Variants in CDYL2 observed in about 807,000 individuals in gnomAD.
The protein encoded by CDYL2 is chromodomain Y like 2.
In CDYL2, 23 loss-of-function variants were observed where a neutral mutation model predicts 49.4. The observed-to-expected ratio is 0.47, with a 90% CI of 0.34 to 0.66. The LOEUF (loss-of-function observed/expected upper bound fraction) is 0.66, where lower values mean the gene tolerates loss of function less well. Ranked by LOEUF, CDYL2 falls within the 30% of genes least tolerant of loss-of-function variation. CDYL2 has a pLI of 0.01. For missense variants in CDYL2, 678 were observed against 656.4 expected (o/e 1.03, Z -0.36); for synonymous variants, 360 against 268.8 (o/e 1.34, Z -3.32).
At chr16:80,646,798 A>G (rs1908367366) in intron 2 of CDYL2, among the ~76,000 whole-genome samples, 1 of 150,636 alleles carries the variant, frequency 6.6e-6, no homozygotes, top group Non-Finnish European at 1.5e-5. Flanking sequence ...AAAACAAACA[A>G]ACAAAACAAA....
Position 80,602,613 on chromosome 16 carries a change from C to T in CDYL2, c.*1775G>A, listed in dbSNP as rs774091980. The T allele has an allele frequency of 6.6e-6, 1 of 152,222 alleles. No homozygotes were observed. The highest frequency in any genetic ancestry group is 2.4e-5 in the African/African-American group (1 of 41,422). The allele number at this position is 152,222 out of a possible 1,614,324, so 9.4% of individuals were successfully genotyped here. A position where few individuals can be genotyped will look rare whatever the true frequency, so the allele number is the denominator to read the frequency against. Reference sequence around the variant, plus strand: ...TAAAGGACCACAGAGAGTTAGAGAACTGTCACCAGAACTCTCTCTTCTAAG... The same window carrying T: ...TAAAGGACCACAGAGAGTTAGAGAATTGTCACCAGAACTCTCTCTTCTAAG... On this transcript the variant is annotated 3_prime_UTR_variant, in exon 7 of 7. Transcript: ENST00000570137.
At chr16:80,784,605 A>G (rs1158817774) in intron 1 of CDYL2, among the ~76,000 whole-genome samples, 2 of 152,176 alleles carry the variant, frequency 1.3e-5, no homozygotes, top group African/African-American at 4.8e-5. Flanking sequence ...AGTGATGTTT[A>G]ACCTGAAGGA....
chr16:80,670,512 C>T (rs991836464), intron 2 of CDYL2, among the ~76,000 whole-genome samples: 1 of 152,156 alleles, frequency 6.6e-6, no homozygotes, highest in Non-Finnish European at 1.5e-5. Flanking sequence ...TTATAAACTA[C>T]CCAGTCTCGG....
At chr16:80,752,159 T>C (rs1044190163) in intron 1 of CDYL2, among the ~76,000 whole-genome samples, 8 of 151,954 alleles carry the variant, frequency 5.3e-5, no homozygotes, top group South Asian at 2.1e-4. Flanking sequence ...AAGAACTCAA[T>C]AGATAAGTTT....
intron 1 of CDYL2, among the ~76,000 whole-genome samples, chr16:80,782,436 T>TA (rs1422001272): frequency 6.7e-6 from 1 of 148,802 alleles, no homozygotes; most frequent in African/African-American, 2.5e-5. Context: ...CAATTCTTCT[T>TA]AAAATCTTCT....
At chr16:80,749,452 A>C (rs1817428619) in intron 1 of CDYL2, among the ~76,000 whole-genome samples, 1 of 152,200 alleles carries the variant, frequency 6.6e-6, no homozygotes, top group Non-Finnish European at 1.5e-5. Flanking sequence ...CTCAATAAAT[A>C]CCAAAACCCA....
At chr16:80,640,414 G>C (rs144516413) in intron 2 of CDYL2, among the ~76,000 whole-genome samples, 78 of 152,254 alleles carry the variant, frequency 5.1e-4, no homozygotes, top group African/African-American at 1.7e-3. Flanking sequence ...TGAATAACCA[G>C]CAGCAATATA....
At position 80,601,694 on chromosome 16, in the gene CDYL2, G is replaced by C. The variant is rs557823480; in HGVS notation, c.*2694C>G. On this transcript the variant is annotated 3_prime_UTR_variant, in exon 7 of 7. Coordinates refer to ENST00000570137, the MANE Select transcript of CDYL2 (RefSeq NM_152342.4). ...TGATCAAAACAACTACCCAGAAAGT[G>C]AAAAATTCAGTCCACCCTGCAGCAA... 38 of 152,214 alleles carry C rather than the reference G, an allele frequency of 2.5e-4. No homozygotes were observed. Among genetic ancestry groups the C allele is most frequent in the African/African-American group, 9.2e-4 (38 of 41,528 alleles). 9.4% of individuals were successfully genotyped at this position (152,214 alleles called of 1,614,324 possible).
At chr16:80,761,869 A>G (rs1465898792) in intron 1 of CDYL2, among the ~76,000 whole-genome samples, 1 of 147,548 alleles carries the variant, frequency 6.8e-6, no homozygotes, top group African/African-American at 2.6e-5. Context: ...TCAATCTAAT[A>G]AAGGAGAAAA....
At chr16:80,760,577 C>G (rs1906492690) in intron 1 of CDYL2, among the ~76,000 whole-genome samples, 1 of 152,012 alleles carries the variant, frequency 6.6e-6, no homozygotes, top group African/African-American at 2.4e-5. Flanking sequence ...ATGCCTGCAT[C>G]AAAACATCTC....
rs1290569229 is a variant in CDYL2 at position 80,600,115 on chromosome 16, G to C, written c.*4273C>G. 2.0e-5 allele frequency: 3 copies of C among 152,170 alleles called. No homozygotes were observed. The highest frequency in any genetic ancestry group is 2.9e-5 in the Non-Finnish European group (2 of 68,028). 9.4% of individuals were successfully genotyped at this position (152,170 alleles called of 1,614,324 possible). The stretch of plus-strand genomic sequence containing the variant: ...AAACTACTTATGTAGTTGCAAAGTT[G>C]AAAAATTTACTGATCCTAATGGTAA... On this transcript the variant is annotated 3_prime_UTR_variant, in exon 7 of 7. Coordinates refer to ENST00000570137, the MANE Select transcript of CDYL2 (RefSeq NM_152342.4).
At chr16:80,680,970 AG>A (rs1909945802) in intron 2 of CDYL2, among the ~76,000 whole-genome samples, 1 of 152,192 alleles carries the variant, frequency 6.6e-6, no homozygotes, top group African/African-American at 2.4e-5. Context: ...GAGAAGACTC[AG>A]AATCAAGAGC....
At chr16:80,743,764 AT>A (rs142830781) in intron 1 of CDYL2, among the ~76,000 whole-genome samples, 1 of 151,816 alleles carries the variant, frequency 6.6e-6, no homozygotes, top group African/African-American at 2.4e-5. Context: ...TTGTTTTAGT[AT>A]TTTTTTTAAT....
In CDYL2 at chr16:80,608,214, C is replaced by T. The variant is rs1265986394; in HGVS notation, c.1240G>A (p.Gly414Arg). 2 of 1,583,384 alleles carry T rather than the reference C, an allele frequency of 1.3e-6. No individual in the cohort carries two copies. Among genetic ancestry groups the T allele is most frequent in the Non-Finnish European group, 1.7e-6 (2 of 1,163,908 alleles). Residue 414 changes from glycine to arginine, a missense_variant, in exon 6 of 7, where the codon GGG (glycine) becomes AGG (arginine). Coordinates refer to ENST00000570137, the MANE Select transcript of CDYL2 (RefSeq NM_152342.4). ...GCCTCCTGGGCGGTGAGCTTCCGCC[C>T]ACAGAACAGCATCTCATTGGCCTGA... Reference protein sequence around the residue: ...VALANEMLFCGRKLTAQEACS... With the variant: ...VALANEMLFCRRKLTAQEACS...
chr16:80,684,453 G>A, intron 2 of CDYL2, 85 bp downstream of exon 2: 1 of 1,248,722 alleles, frequency 8.0e-7, no homozygotes, highest in Non-Finnish European at 1.1e-6. Context: ...GGAGGTGGGG[G>A]TCTTATGTAT....
Position 80,604,519 on chromosome 16 carries a change from G to A in CDYL2, c.1390C>T (p.Arg464Trp), listed in dbSNP as rs1346545104. 25 of 1,614,070 alleles carry A rather than the reference G, an allele frequency of 1.5e-5. No homozygotes were observed. The highest frequency in any genetic ancestry group is 2.7e-5 in the African/African-American group (2 of 74,926). The change falls in exon 7 of 7, where the codon CGG (arginine) becomes TGG (tryptophan). Residue 464 changes from arginine (R) to tryptophan (W), a missense_variant. Transcript: ENST00000570137. The stretch of plus-strand genomic sequence containing the variant: ...TCCAGCACTGATTTCAGGAAGCTCC[G>A]CACGAGGCATTTGGACTCCTCTAAC... ...VVLEESKCLV[R>W]SFLKSVLEDV...
intron 1 of CDYL2, among the ~76,000 whole-genome samples, chr16:80,692,074 A>T (rs528318443): frequency 6.6e-6 from 1 of 152,320 alleles, no homozygotes; most frequent in South Asian, 2.1e-4. Flanking sequence ...GTTAATAGAG[A>T]TCCACCCAGT....
intron 2 of CDYL2, among the ~76,000 whole-genome samples, chr16:80,638,887 T>C (rs913862971): frequency 2.6e-5 from 4 of 152,152 alleles, no homozygotes; most frequent in African/African-American, 7.2e-5. Context: ...TCCTAGAGGA[T>C]AGTACAGGAG....
At chr16:80,749,939 C>T (rs1906073260) in intron 1 of CDYL2, among the ~76,000 whole-genome samples, 1 of 152,072 alleles carries the variant, frequency 6.6e-6, no homozygotes, top group African/African-American at 2.4e-5. Context: ...TTTGTAGGGA[C>T]ATGGATGAAG....
Sources: allele counts gnomAD v4.1 joint callset (sites outside exome capture counted in the v4.1 genomes callset), GRCh38; gene constraint gnomAD v4.1.1; transcripts MANE v1.5; gene names NCBI Gene and HGNC (gene_info 2026-07-23, HGNC 2026-07-21).